Variants in FBXW11 observed in about 807,000 individuals in gnomAD.
FBXW11 encodes the protein F-box and WD repeat domain containing 11.
Under a neutral mutation model 77.6 loss-of-function variants are expected in FBXW11, and 19 were observed. That is an observed-to-expected ratio of 0.24 (90% confidence interval 0.17 to 0.36). The LOEUF is 0.36. Among genes scored for constraint, FBXW11 ranks in the 10% least tolerant of loss-of-function variants. The pLI is 1.00. For missense variants in FBXW11, 334 were observed against 704.2 expected, an observed-to-expected ratio of 0.47 and a Z score of 5.95; for synonymous variants, 235 against 249.4, an observed-to-expected ratio of 0.94 and a Z score of 0.54.
At chr5:171,987,650 G>A (rs905297427) in intron 1 of FBXW11, among the ~76,000 whole-genome samples, 6 of 151,980 alleles carry the variant, frequency 3.9e-5, no homozygotes, top group South Asian at 2.1e-4. Flanking sequence ...ACGGGGTTTC[G>A]CCATGTTGGT....
At chr5:171,941,858 T>C (rs1388455973) in intron 2 of FBXW11, among the ~76,000 whole-genome samples, 1 of 151,350 alleles carries the variant, frequency 6.6e-6, no homozygotes, top group Non-Finnish European at 1.5e-5. Context: ...GAACCTGTAG[T>C]GTCAGTCAGT....
intron 13 of FBXW11, among the ~76,000 whole-genome samples, chr5:171,866,200 G>T (rs1291927919): frequency 6.6e-6 from 1 of 151,920 alleles, no homozygotes; most frequent in African/African-American, 2.4e-5. Flanking sequence ...GGGAGGCGGA[G>T]GTTGCAGTGA....
intron 7 of FBXW11, among the ~76,000 whole-genome samples, chr5:171,878,603 A>AGAGTGTGTGTGTGT (rs138423567): frequency 6.2e-5 from 8 of 128,472 alleles, no homozygotes; most frequent in African/African-American, 1.8e-4. Context: ...AGAGAGAGAG[A>AGAGTGTGTGTGTGT]GTGTGTGTGT....
chr5:171,985,820 A>C (rs1765409037), intron 1 of FBXW11, among the ~76,000 whole-genome samples: 1 of 152,116 alleles, frequency 6.6e-6, no homozygotes, highest in Non-Finnish European at 1.5e-5. Flanking sequence ...GGTGGCATGC[A>C]CCAGCAGTCC....
intron 2 of FBXW11, 132 bp downstream of exon 2, chr5:171,957,465 G>C: frequency 1.1e-6 from 1 of 870,706 alleles, no homozygotes; most frequent in South Asian, 1.6e-5. Context: ...GGGCACCCAG[G>C]CTGGAGGAAA....
intron 7 of FBXW11, among the ~76,000 whole-genome samples, chr5:171,887,440 A>AGTT (rs1267068285): frequency 1.3e-5 from 2 of 152,154 alleles, no homozygotes; most frequent in Non-Finnish European, 2.9e-5. Context: ...TTCACCCAAA[A>AGTT]TAGAACAATA....
At chr5:171,934,301 T>C (rs1208217454) in intron 2 of FBXW11, among the ~76,000 whole-genome samples, 2 of 151,610 alleles carry the variant, frequency 1.3e-5, no homozygotes, top group South Asian at 2.1e-4. Context: ...TTGACCTAAC[T>C]CAAAAAATAA....
chr5:171,984,621 G>A (rs937644305), intron 1 of FBXW11, among the ~76,000 whole-genome samples: 1 of 152,176 alleles, frequency 6.6e-6, no homozygotes, highest in African/African-American at 2.4e-5. Flanking sequence ...TTTTAAGTGT[G>A]GGGGAAAGGA....
intron 2 of FBXW11, chr5:171,916,436 G>A: frequency 2.0e-6 from 2 of 985,220 alleles, no homozygotes; most frequent in Non-Finnish European, 2.4e-6. Context: ...GGAGGGTGGG[G>A]CTCTATGTGA....
chr5:171,932,069 C>A (rs1762237300), intron 2 of FBXW11, among the ~76,000 whole-genome samples: 1 of 151,878 alleles, frequency 6.6e-6, no homozygotes, highest in Admixed American at 6.6e-5. Flanking sequence ...GAGATGAGGT[C>A]TTGCCATGTT....
At chr5:171,909,125 A>G (rs971216333) in intron 4 of FBXW11, among the ~76,000 whole-genome samples, 9 of 152,200 alleles carry the variant, frequency 5.9e-5, no homozygotes, top group African/African-American at 1.9e-4. Context: ...AAAACAATAT[A>G]GAAACAGAAA....
chr5:171,905,536 T>C (rs956191531), intron 4 of FBXW11, among the ~76,000 whole-genome samples: 1 of 151,752 alleles, frequency 6.6e-6, no homozygotes, highest in Non-Finnish European at 1.5e-5. Context: ...ACAATATTCT[T>C]CTTGTTACCT....
chr5:171,979,739 T>C (rs551754850), intron 1 of FBXW11, among the ~76,000 whole-genome samples: 17 of 152,284 alleles, frequency 1.1e-4, no homozygotes, highest in Non-Finnish European at 1.5e-4. Context: ...GAAATGGCAC[T>C]TGAACATAAA....
Position 171,876,532 on chromosome 5 carries a change from A to G in FBXW11, c.974T>C (p.Val325Ala). The G allele has an allele frequency of 6.2e-7, 1 of 1,611,642 alleles. No homozygotes were observed. The highest frequency in any genetic ancestry group is 8.5e-7 in the Non-Finnish European group (1 of 1,177,922). ...AACTTCACCCGTGTTCACATCCCACACTCTAGGAGAGAAGAGAAAAGCATG... is the reference window on the plus strand; with the variant it reads ...AACTTCACCCGTGTTCACATCCCACGCTCTAGGAGAGAAGAGAAAAGCATG... ...VTGSSDSTVR[V>A]WDVNTGEVLN... Residue 325 changes from valine (V) to alanine (A), a missense_variant and splice_region_variant, in exon 9 of 14, where the codon GTG (valine) becomes GCG (alanine). Val to Ala is a moderately conservative substitution (Grantham distance 64, BLOSUM62 0). Around this residue, in one of 10 missense-constraint regions of FBXW11, gnomAD observed 70 missense variants for 136.6 expected, o/e 0.51. Transcript: ENST00000517395. The surrounding 1 kb of genome is among the most constrained non-coding windows in gnomAD (Gnocchi z 4.2).
chr5:171,996,818 G>GAA, intron 1 of FBXW11: 1 of 1,083,748 alleles, frequency 9.2e-7, no homozygotes, highest in South Asian at 1.6e-5. Context: ...ATAAATAAGG[G>GAA]AAAATATTTT....
intron 1 of FBXW11, among the ~76,000 whole-genome samples, chr5:172,002,520 G>A (rs1284535971): frequency 1.3e-5 from 2 of 150,900 alleles, no homozygotes; most frequent in Non-Finnish European, 2.9e-5. Flanking sequence ...CCCTAGTGGT[G>A]TGCTACATGA....
At chr5:171,976,807 G>A (rs535696183) in intron 1 of FBXW11, among the ~76,000 whole-genome samples, 1 of 152,036 alleles carries the variant, frequency 6.6e-6, no homozygotes, top group Non-Finnish European at 1.5e-5. Flanking sequence ...AGCAATTTGG[G>A]AGCCCAAGGC....
intron 2 of FBXW11, among the ~76,000 whole-genome samples, chr5:171,952,264 C>A (rs1395675664): frequency 6.6e-6 from 1 of 151,020 alleles, no homozygotes. Context: ...AATGTTCTCT[C>A]TGGGTGGTAG....
At position 171,904,773 on chromosome 5, in the gene FBXW11, T is replaced by C. The variant is rs1760365361; in HGVS notation, c.437-4673A>G. ...TTTTAGTACAGATGGGGTTTCACCATGTTGGCCAGGATGGTCTTGATCTCT... is the reference window on the plus strand; with the variant it reads ...TTTTAGTACAGATGGGGTTTCACCACGTTGGCCAGGATGGTCTTGATCTCT... On this transcript the variant is annotated intron_variant, in intron 4 of 13. Coordinates refer to ENST00000517395, the MANE Select transcript of FBXW11 (RefSeq NM_001378974.1). The surrounding 1 kb of genome is among the most constrained non-coding windows in gnomAD (Gnocchi z 4.0). 6.6e-6 allele frequency among the ~76,000 whole-genome samples: 1 copy of C among 152,092 alleles called. No individual in the cohort carries two copies. Among genetic ancestry groups the C allele is most frequent in the African/African-American group, 2.4e-5 (1 of 41,412 alleles).
Sources: allele counts gnomAD v4.1 joint callset (sites outside exome capture counted in the v4.1 genomes callset), GRCh38; gene constraint gnomAD v4.1.1; regional missense constraint gnomAD v4.1.1; non-coding constraint Gnocchi (gnomAD v3.1); transcripts MANE v1.5; gene names NCBI Gene and HGNC (gene_info 2026-07-23, HGNC 2026-07-21).